The following CAMK4 variants were observed in gnomAD, a reference collection of about 807,000 sequenced individuals.
The protein encoded by CAMK4 is calcium/calmodulin dependent protein kinase IV.
In CAMK4, 22 loss-of-function variants were observed where a neutral mutation model predicts 44.9. The observed-to-expected ratio is 0.49, with a 90% CI of 0.35 to 0.70. The LOEUF is 0.70. CAMK4 is among the 30% of genes least tolerant of loss of function. CAMK4 has a pLI of 0.01. For synonymous variants in CAMK4, 218 were observed against 215.4 expected, an observed-to-expected ratio of 1.01 and a Z score of -0.11; for missense variants, 498 against 586.8, an observed-to-expected ratio of 0.85 and a Z score of 1.56.
chr5:111,282,036 G>A (rs1272145022), intron 1 of CAMK4, among the ~76,000 whole-genome samples: 1 of 151,400 alleles, frequency 6.6e-6, no homozygotes, highest in Non-Finnish European at 1.5e-5. Context: ...TCCAGCCTGG[G>A]CGACAGCGAG....
Position 111,487,131 on chromosome 5 carries a change from G to T in CAMK4, c.*2665G>T, listed in dbSNP as rs1040696419. On this transcript the variant is annotated 3_prime_UTR_variant, in exon 11 of 11. Transcript: ENST00000282356. ...TCAAAGATTACTTAGCTAAATAATA[G>T]TAGACAAATGGAGATTTAATTTCAC... The T allele has an allele frequency of 4.6e-5, 7 of 152,162 alleles. No homozygotes were observed. The highest frequency in any genetic ancestry group is 1.0e-4 in the Non-Finnish European group (7 of 68,038). The allele number at this position is 152,162 out of a possible 1,614,324, so 9.4% of individuals were successfully genotyped here.
chr5:111,336,564 C>A (rs1580612366), intron 1 of CAMK4, among the ~76,000 whole-genome samples: 1 of 150,664 alleles, frequency 6.6e-6, no homozygotes, highest in African/African-American at 2.4e-5. Flanking sequence ...AAATTTATTT[C>A]TAGTATACTT....
At chr5:111,255,251 C>T (rs375831988) in intron 1 of CAMK4, among the ~76,000 whole-genome samples, 1 of 152,102 alleles carries the variant, frequency 6.6e-6, no homozygotes, top group Non-Finnish European at 1.5e-5. Flanking sequence ...TTGGTCTGCC[C>T]ATCCTGTGCC....
At chr5:111,454,714 A>G (rs541120155) in intron 7 of CAMK4, among the ~76,000 whole-genome samples, 36 of 151,932 alleles carry the variant, frequency 2.4e-4, no homozygotes, top group African/African-American at 8.4e-4. Flanking sequence ...CAATATAACT[A>G]TACAATATTA....
chr5:111,299,842 A>G (rs186373248), intron 1 of CAMK4, among the ~76,000 whole-genome samples: 25 of 152,222 alleles, frequency 1.6e-4, no homozygotes, highest in Middle Eastern at 3.4e-3. Context: ...AAAGGTTTCT[A>G]TAACTCCTAA....
chr5:111,274,692 C>A (rs1216829175), intron 1 of CAMK4, among the ~76,000 whole-genome samples: 2 of 152,204 alleles, frequency 1.3e-5, no homozygotes, highest in African/African-American at 4.8e-5. Flanking sequence ...CCAATTTATT[C>A]CCTTCAACAG....
intron 8 of CAMK4, 111 bp from the exon 9 acceptor site, chr5:111,478,270 C>A: frequency 1.7e-6 from 1 of 591,956 alleles, no homozygotes; most frequent in Non-Finnish European, 2.8e-6. Context: ...AGTAGACTTG[C>A]TTCCATGGCA....
intron 2 of CAMK4, among the ~76,000 whole-genome samples, chr5:111,351,692 G>A (rs142549405): frequency 0.049 from 7,466 of 151,986 alleles, 627 homozygotes; most frequent in African/African-American, 0.17. Flanking sequence ...GATTATAGGC[G>A]TGAGCCACCA....
chr5:111,369,853 G>T (rs1367579706), intron 2 of CAMK4, among the ~76,000 whole-genome samples: 1 of 152,024 alleles, frequency 6.6e-6, no homozygotes, highest in Non-Finnish European at 1.5e-5. Context: ...TTGTTATACT[G>T]TATTTTTATA....
At chr5:111,255,837 T>G (rs1749717578) in intron 1 of CAMK4, among the ~76,000 whole-genome samples, 1 of 152,232 alleles carries the variant, frequency 6.6e-6, no homozygotes, top group Non-Finnish European at 1.5e-5. Flanking sequence ...TTATACCGCT[T>G]AAAATGCCAA....
chr5:111,476,725 C>G (rs1024535173), intron 8 of CAMK4, among the ~76,000 whole-genome samples: 7 of 152,042 alleles, frequency 4.6e-5, no homozygotes, highest in African/African-American at 1.7e-4. Flanking sequence ...ATACCTAAAC[C>G]CTCTTCCCCT....
rs1019590805 is a variant in CAMK4 at position 111,485,541 on chromosome 5, A to G, written c.*1075A>G. ...TTTATCAAAGCTCTTTTTTTATCCA[A>G]TTGATGGTTATCTACACATATCACT... On this transcript the variant is annotated 3_prime_UTR_variant, in exon 11 of 11. Coordinates refer to ENST00000282356, the MANE Select transcript of CAMK4 (RefSeq NM_001744.6). The G allele has an allele frequency of 2.0e-5, 3 of 152,014 alleles. No individual in the cohort carries two copies. The highest frequency in any genetic ancestry group is 6.6e-5 in the Admixed American group (1 of 15,256). The allele number at this position is 152,014 out of a possible 1,614,324, so 9.4% of individuals were successfully genotyped here.
chr5:111,348,447 A>G (rs1437130833), intron 2 of CAMK4, among the ~76,000 whole-genome samples: 1 of 152,034 alleles, frequency 6.6e-6, no homozygotes. Context: ...TGGATAGTAA[A>G]ATATCCTTGT....
At chr5:111,470,692 C>CA (rs1423540642) in intron 7 of CAMK4, among the ~76,000 whole-genome samples, 3 of 151,930 alleles carry the variant, frequency 2.0e-5, no homozygotes, top group African/African-American at 7.3e-5. Context: ...GATAAAGAAA[C>CA]AAAAAGAAGT....
intron 1 of CAMK4, among the ~76,000 whole-genome samples, chr5:111,309,470 T>C (rs1200803558): frequency 2.6e-5 from 4 of 152,184 alleles, no homozygotes; most frequent in African/African-American, 9.7e-5. Context: ...GTTGTTGTTG[T>C]TGTTGCATTT....
chr5:111,282,231 C>T (rs556144991), intron 1 of CAMK4, among the ~76,000 whole-genome samples: 7 of 152,236 alleles, frequency 4.6e-5, no homozygotes, highest in East Asian at 3.9e-4. Flanking sequence ...TTTTATCTAA[C>T]ATTTAAAATA....
intron 1 of CAMK4, among the ~76,000 whole-genome samples, chr5:111,240,171 C>T (rs1458581593): frequency 2.6e-5 from 4 of 151,850 alleles, no homozygotes; most frequent in Middle Eastern, 3.4e-3. Flanking sequence ...TTTACACTAA[C>T]TTTACCTCTT....
In CAMK4 at chr5:111,394,731, C is replaced by T; in HGVS notation, c.408C>T (p.Tyr136=). The change falls in exon 5 of 11, where the codon TAC becomes TAT. Residue 136 remains tyrosine, a synonymous_variant. Transcript: ENST00000282356. ...LFDRIVEKGY[Y]SERDAADAVK... is the part of the protein sequence containing the mutation. ...CCAGGATTGTGGAAAAGGGATATTACAGTGAGCGAGATGCTGCAGATGCCG... is the reference window on the plus strand; with the variant it reads ...CCAGGATTGTGGAAAAGGGATATTATAGTGAGCGAGATGCTGCAGATGCCG... 1.2e-6 allele frequency: 2 copies of T among 1,612,474 alleles called. No individual in the cohort carries two copies. Among genetic ancestry groups the T allele is most frequent in the Non-Finnish European group, 1.7e-6 (2 of 1,178,866 alleles).
rs1346877544 is a variant in CAMK4, at chr5:111,384,764, C to T, written c.386+7822C>T. 2.0e-5 allele frequency among the ~76,000 whole-genome samples: 3 copies of T among 152,278 alleles called. No homozygotes were observed. The East Asian group carries it at 5.8e-4, about 29-fold the overall frequency. On this transcript the variant is annotated intron_variant, in intron 4 of 10. Coordinates refer to ENST00000282356, the MANE Select transcript of CAMK4 (RefSeq NM_001744.6). ...TGCACCTTTGCATTGTTTCCCATTG[C>T]AGTAGACTCCTGGAGAGTATTACTT...
Sources: allele counts gnomAD v4.1 joint callset (sites outside exome capture counted in the v4.1 genomes callset), GRCh38; gene constraint gnomAD v4.1.1; transcripts MANE v1.5; gene names NCBI Gene and HGNC (gene_info 2026-07-23, HGNC 2026-07-21).